SOX5: variants seen among roughly 807,000 people sequenced by gnomAD.
The protein encoded by SOX5 is SRY-box transcription factor 5.
SOX5 carries 9 observed loss-of-function variants against 92.0 expected under a neutral mutation model. That is an observed-to-expected ratio of 0.10 (90% CI 0.06 to 0.17). The LOEUF (loss-of-function observed/expected upper bound fraction) is 0.17. Ranked by LOEUF, SOX5 falls within the 10% of genes least tolerant of loss-of-function variation. SOX5 has a pLI of 1.00. For synonymous variants in SOX5, 344 were observed against 336.3 expected, an observed-to-expected ratio of 1.02 and a Z score of -0.25; for missense variants, 642 against 944.5, an observed-to-expected ratio of 0.68 and a Z score of 4.20.
intron 10 of SOX5, among the ~76,000 whole-genome samples, chr12:23,569,815 T>C (rs953569649): frequency 2.0e-5 from 3 of 152,252 alleles, no homozygotes; most frequent in Admixed American, 2.0e-4. Context: ...ACAAGATGAG[T>C]ACTTCCCACA....
intron 1 of SOX5, among the ~76,000 whole-genome samples, chr12:23,939,464 TA>T (rs1340808439): frequency 6.6e-6 from 1 of 150,822 alleles, no homozygotes; most frequent in Non-Finnish European, 1.5e-5. Context: ...AGGAATCAAA[TA>T]AAAAAATCTA....
Position 24,480,671 on chromosome 12 carries a change from T to C in SOX5, c.-251+81658A>G, listed in dbSNP as rs541819151. Among the ~76,000 whole-genome samples the C allele has an allele frequency of 1.2e-4, 19 of 152,254 alleles. No homozygotes were observed. In the East Asian group the frequency reaches 1.7e-3, roughly 14 times the overall value. ...GCATATGAAAAGGTACTCAACATCATTGATCATCAGATAAAGGCAAATCAA... is the reference window on the plus strand; with the variant it reads ...GCATATGAAAAGGTACTCAACATCACTGATCATCAGATAAAGGCAAATCAA... On this transcript the variant is annotated intron_variant, in intron 1 of 4. Coordinates refer to the SOX5 transcript ENST00000446891.
intron 2 of SOX5, among the ~76,000 whole-genome samples, chr12:23,869,210 C>T (rs2096847192): frequency 6.6e-6 from 1 of 152,144 alleles, no homozygotes; most frequent in African/African-American, 2.4e-5. Flanking sequence ...CTTGAAAGTA[C>T]ACTCTTCATC....
chr12:23,868,886 C>T (rs551757285), intron 2 of SOX5, among the ~76,000 whole-genome samples: 1 of 152,216 alleles, frequency 6.6e-6, no homozygotes, highest in African/African-American at 2.4e-5. Flanking sequence ...ATACTCCAAA[C>T]CTCTTATGAC....
intron 4 of SOX5, among the ~76,000 whole-genome samples, chr12:23,979,004 G>A (rs538255186): frequency 6.6e-6 from 1 of 151,934 alleles, no homozygotes; most frequent in Non-Finnish European, 1.5e-5. Context: ...TTTTTAAAAT[G>A]TATCAATTAA....
intron 4 of SOX5, among the ~76,000 whole-genome samples, chr12:24,133,724 C>G (rs566012011): frequency 6.6e-6 from 1 of 152,080 alleles, no homozygotes; most frequent in Non-Finnish European, 1.5e-5. Context: ...GTCCTCTCCC[C>G]GACTGGTCCA....
At chr12:23,565,015 G>C (rs565077323) in intron 10 of SOX5, among the ~76,000 whole-genome samples, 2 of 152,286 alleles carry the variant, frequency 1.3e-5, no homozygotes, top group South Asian at 4.1e-4. Flanking sequence ...CCTTGAGGCA[G>C]AAAGAAAAGT....
intron 2 of SOX5, among the ~76,000 whole-genome samples, chr12:23,853,777 T>A (rs2136225281): frequency 1.3e-5 from 2 of 152,270 alleles, no homozygotes; most frequent in Admixed American, 1.3e-4. Flanking sequence ...CCTCATTATC[T>A]TCCTGGGGAT....
chr12:24,543,219 A>G (rs948544452), intron 1 of SOX5, among the ~76,000 whole-genome samples: 2 of 152,198 alleles, frequency 1.3e-5, no homozygotes, highest in South Asian at 4.1e-4. Flanking sequence ...CATCTTCCTC[A>G]TTAGACTGGA....
At chr12:24,211,435 T>C (rs1465343441) in intron 4 of SOX5, among the ~76,000 whole-genome samples, 6 of 152,220 alleles carry the variant, frequency 3.9e-5, no homozygotes, top group Non-Finnish European at 7.3e-5. Flanking sequence ...GATAATCATC[T>C]TTTTATTTCA....
At chr12:23,583,522 T>G (rs1251808097) in intron 9 of SOX5, among the ~76,000 whole-genome samples, 1 of 152,134 alleles carries the variant, frequency 6.6e-6, no homozygotes, top group African/African-American at 2.4e-5. Context: ...TCAACTTTGT[T>G]TAACCTCTGG....
intron 3 of SOX5, among the ~76,000 whole-genome samples, chr12:23,816,207 C>CTTTTTTTTTTTTTTTTTTTT (rs11347313): frequency 7.7e-6 from 1 of 129,652 alleles, no homozygotes. Flanking sequence ...GACAAGATTT[C>CTTTTTTTTTTTTTTTTTTTT]TTTTTTTTTT....
intron 1 of SOX5, among the ~76,000 whole-genome samples, chr12:23,928,543 T>G (rs1940610342): frequency 6.6e-6 from 1 of 151,850 alleles, no homozygotes; most frequent in African/African-American, 2.4e-5. Flanking sequence ...ATACATAAAC[T>G]ATAGAAAATT....
chr12:24,095,754 G>T (rs1284386362), intron 4 of SOX5, among the ~76,000 whole-genome samples: 2 of 152,072 alleles, frequency 1.3e-5, no homozygotes, highest in Non-Finnish European at 2.9e-5. Flanking sequence ...TGCTGTTCTT[G>T]TGATAGTGAG....
Position 24,209,581 on chromosome 12 carries a change from A to T in SOX5, c.-2+3762T>A, listed in dbSNP as rs953608393. On this transcript the variant is annotated intron_variant, in intron 4 of 4. Coordinates refer to the SOX5 transcript ENST00000446891. The stretch of plus-strand genomic sequence containing the variant: ...AATAGTTTCTAATGCATTAATTAGA[A>T]ATGTGAAAACTTTTTGGTAAATACT... Among the ~76,000 whole-genome samples, 9 of 152,214 alleles carry T rather than the reference A, an allele frequency of 5.9e-5. No homozygotes were observed. The South Asian group carries it at 6.2e-4, about 11-fold the overall frequency.
chr12:23,596,495 CA>C (rs1426586466), intron 9 of SOX5, among the ~76,000 whole-genome samples: 2 of 152,046 alleles, frequency 1.3e-5, no homozygotes, highest in African/African-American at 4.8e-5. Flanking sequence ...GAGAGGGAAC[CA>C]ACTCTGACAT....
intron 10 of SOX5, 51 bp from the exon 11 acceptor site, chr12:23,563,454 G>A: frequency 6.4e-7 from 1 of 1,555,076 alleles, no homozygotes; most frequent in Non-Finnish European, 8.8e-7. Context: ...GCATGTCTAG[G>A]CTAGCGTTTA....
intron 5 of SOX5, among the ~76,000 whole-genome samples, chr12:23,737,167 C>T (rs1392327303): frequency 2.0e-5 from 3 of 152,158 alleles, no homozygotes; most frequent in African/African-American, 7.2e-5. Context: ...CTCCCACGTA[C>T]TTTCTCCCGT....
intron 8 of SOX5, among the ~76,000 whole-genome samples, chr12:23,618,204 T>C (rs1214934574): frequency 6.6e-6 from 1 of 152,174 alleles, no homozygotes; most frequent in Admixed American, 6.5e-5. Context: ...GGGAAAAATA[T>C]TGCTGAAATT....
Sources: allele counts gnomAD v4.1 joint callset (sites outside exome capture counted in the v4.1 genomes callset), GRCh38; gene constraint gnomAD v4.1.1; transcripts MANE v1.5; gene names NCBI Gene and HGNC (gene_info 2026-07-23, HGNC 2026-07-21).